PSMB3: variants seen among roughly 807,000 people sequenced by gnomAD.
The protein encoded by PSMB3 is proteasome 20S subunit beta 3, also known as proteasome subunit beta type-3.
A neutral mutation model predicts 23.3 loss-of-function variants in PSMB3; 5 were observed. The observed-to-expected ratio is 0.21, with a 90% CI of 0.11 to 0.45. The LOEUF is 0.45. PSMB3 is among the 20% of genes least tolerant of loss of function. PSMB3 has a pLI of 0.99. For missense variants in PSMB3, 192 were observed against 277.9 expected, an observed-to-expected ratio of 0.69 and a Z score of 2.20; for synonymous variants, 85 against 99.8, an observed-to-expected ratio of 0.85 and a Z score of 0.88.
At chr17:38,762,155 A>T in intron 4 of PSMB3, 1 of 472,148 alleles carries the variant, frequency 2.1e-6, no homozygotes, top group Admixed American at 3.8e-5. Context: ...GAGACATACT[A>T]TTTGCCCAAT....
intron 5 of PSMB3, among the ~76,000 whole-genome samples, chr17:38,763,528 G>A (rs1354731599): frequency 8.9e-6 from 1 of 112,590 alleles, no homozygotes; most frequent in Non-Finnish European, 1.7e-5. Context: ...TTGAGATGGA[G>A]TCTCATTCTG....
intron 5 of PSMB3, among the ~76,000 whole-genome samples, chr17:38,763,326 C>T (rs750035335): frequency 1.3e-5 from 2 of 151,870 alleles, no homozygotes; most frequent in Non-Finnish European, 2.9e-5. Flanking sequence ...TGCACTCCAG[C>T]CTGGGCAACA....
chr17:38,763,434 AAC>A (rs1198291292), intron 5 of PSMB3, among the ~76,000 whole-genome samples: 1 of 151,888 alleles, frequency 6.6e-6, no homozygotes, highest in Non-Finnish European at 1.5e-5. Context: ...TTTGGGGTGA[AAC>A]ACACCACACC....
In PSMB3 at chr17:38,764,048, G is replaced by T. The variant is rs1489012790; in HGVS notation, c.570-71G>T. The T allele has an allele frequency of 5.7e-6, 9 of 1,588,332 alleles. No homozygotes were observed. The Admixed American group carries it at 1.5e-4, about 27-fold the overall frequency. Reference sequence around the variant, plus strand: ...AGGGCTTGAGGGCTTGGTGCTGAGGGCCAGGAGAGCTAGTCACAGTCACGG... The same window carrying T: ...AGGGCTTGAGGGCTTGGTGCTGAGGTCCAGGAGAGCTAGTCACAGTCACGG... On this transcript the variant is annotated intron_variant, in intron 5 of 5. Coordinates refer to ENST00000619426, the MANE Select transcript of PSMB3 (RefSeq NM_002795.4).
At chr17:38,753,080 C>T (rs911727932) in intron 1 of PSMB3, 70 bp from the exon 2 acceptor site, 8 of 1,472,066 alleles carry the variant, frequency 5.4e-6, no homozygotes, top group Admixed American at 4.6e-5. Flanking sequence ...GCCTCCGCAT[C>T]AGGAGCTGGG....
chr17:38,755,755 G>A (rs558105295), intron 2 of PSMB3, 128 bp from the exon 3 acceptor site: 120 of 623,488 alleles, frequency 1.9e-4, no homozygotes, highest in Middle Eastern at 1.9e-3. Context: ...CCTAACACAT[G>A]TAAGACTACA....
intron 3 of PSMB3, among the ~76,000 whole-genome samples, chr17:38,757,057 T>TA (rs1908231796): frequency 6.9e-6 from 1 of 145,674 alleles, no homozygotes; most frequent in Non-Finnish European, 1.5e-5. Flanking sequence ...TTTTTTTTTT[T>TA]TTTTAGTAGA....
In PSMB3 at chr17:38,755,646, T is replaced by TAAAA. The variant is rs66894167; in HGVS notation, c.189-226_189-223dup. Among the ~76,000 whole-genome samples, 405 of 66,370 alleles carry TAAAA rather than the reference T, an allele frequency of 6.1e-3. 3 individuals are homozygous for TAAAA. Among genetic ancestry groups the TAAAA allele is most frequent in the Admixed American group, 0.021 (95 of 4,430 alleles). The allele number at this position is 66,370 out of a possible 152,430, so 43.5% of individuals were successfully genotyped here. ...CCTGGGCGACGAGTGAGACTCCGTC[T>TAAAA]AAAAAAAAAAAAAATATATATATAT... On this transcript the variant is annotated intron_variant, in intron 2 of 5. Coordinates refer to ENST00000619426, the MANE Select transcript of PSMB3 (RefSeq NM_002795.4).
At position 38,753,175 on chromosome 17, in the gene PSMB3, C is replaced by T. The variant is rs763682340; in HGVS notation, c.29C>T (p.Ala10Val). Reference sequence around the variant, plus strand: ...TCTATTATGTCCTATAACGGAGGGGCCGTCATGGCCATGAAGGGGAAGAAC... The same window carrying T: ...TCTATTATGTCCTATAACGGAGGGGTCGTCATGGCCATGAAGGGGAAGAAC... Reference protein sequence around the residue: MSIMSYNGGAVMAMKGKNCV... With the variant: MSIMSYNGGVVMAMKGKNCV... The change falls in exon 2 of 6, where the codon GCC (alanine) becomes GTC (valine). Residue 10 changes from alanine (A) to valine (V), a missense_variant. Transcript: ENST00000619426. 1 of 1,614,156 alleles carries T rather than the reference C, an allele frequency of 6.2e-7. No individual in the cohort carries two copies. The highest frequency in any genetic ancestry group is 8.5e-7 in the Non-Finnish European group (1 of 1,180,020).
chr17:38,759,738 G>A (rs1458243779), intron 3 of PSMB3, among the ~76,000 whole-genome samples: 2 of 151,842 alleles, frequency 1.3e-5, no homozygotes, highest in Non-Finnish European at 2.9e-5. Flanking sequence ...TAGTAGAGAG[G>A]GGGTTTCACC....
chr17:38,754,435 A>T (rs770783048), intron 2 of PSMB3, among the ~76,000 whole-genome samples: 1 of 152,184 alleles, frequency 6.6e-6, no homozygotes, highest in Non-Finnish European at 1.5e-5. Context: ...GTGCCACTGC[A>T]CTCTAGCCTG....
Position 38,752,820 on chromosome 17 carries a change from C to A in PSMB3, c.-7C>A. The A allele has an allele frequency of 6.2e-7, 1 of 1,613,846 alleles. No individual in the cohort carries two copies. The highest frequency in any genetic ancestry group is 2.2e-5 in the East Asian group (1 of 44,888). ...TGGCGATCGAGGGATCCTAGTACAC[C>A]GCAATCATGGTGAGATGGGGAGTTA... On this transcript the variant is annotated 5_prime_UTR_variant, in exon 1 of 6. Coordinates refer to ENST00000619426, the MANE Select transcript of PSMB3 (RefSeq NM_002795.4). The surrounding 1 kb of genome is among the most constrained non-coding windows in gnomAD (Gnocchi z 5.5).
chr17:38,758,547 GC>G (rs773263978), intron 3 of PSMB3, among the ~76,000 whole-genome samples: 64 of 152,128 alleles, frequency 4.2e-4, no homozygotes, highest in Non-Finnish European at 3.7e-4. Flanking sequence ...TCACTTTGTT[GC>G]CCAGGTTGGT....
intron 2 of PSMB3, among the ~76,000 whole-genome samples, chr17:38,754,368 G>A (rs1335015844): frequency 6.6e-6 from 1 of 152,196 alleles, no homozygotes; most frequent in Non-Finnish European, 1.5e-5. Flanking sequence ...TACTCGGGAG[G>A]CTGAGGCTGG....
At chr17:38,761,043 T>A (rs1319832692) in intron 4 of PSMB3, among the ~76,000 whole-genome samples, 2 of 152,120 alleles carry the variant, frequency 1.3e-5, no homozygotes, top group Non-Finnish European at 2.9e-5. Flanking sequence ...GATAAAAAAG[T>A]CTGCCTTAGA....
At chr17:38,763,608 T>G (rs1204419815) in intron 5 of PSMB3, among the ~76,000 whole-genome samples, 2 of 150,018 alleles carry the variant, frequency 1.3e-5, no homozygotes, top group East Asian at 2.1e-4. Flanking sequence ...GTTCAAGTGA[T>G]TCTCCTGCCT....
At chr17:38,753,008 C>A in intron 1 of PSMB3, 142 bp from the exon 2 acceptor site, 1 of 1,236,034 alleles carries the variant, frequency 8.1e-7, no homozygotes, top group Non-Finnish European at 1.1e-6. Flanking sequence ...CCACACAGTG[C>A]TCATCCCAGC....
At chr17:38,760,282 G>T in intron 3 of PSMB3, 149 bp from the exon 4 acceptor site, 1 of 722,472 alleles carries the variant, frequency 1.4e-6, no homozygotes. Context: ...GGGAGAGGGA[G>T]CTGGCCTCAG....
intron 5 of PSMB3, among the ~76,000 whole-genome samples, chr17:38,762,776 G>A (rs1434454077): frequency 2.0e-5 from 3 of 152,144 alleles, no homozygotes; most frequent in Non-Finnish European, 2.9e-5. Context: ...CGAAGTCTCA[G>A]GGATCCGTGT....
Sources: allele counts gnomAD v4.1 joint callset (sites outside exome capture counted in the v4.1 genomes callset), GRCh38; gene constraint gnomAD v4.1.1; non-coding constraint Gnocchi (gnomAD v3.1); transcripts MANE v1.5; gene names NCBI Gene and HGNC (gene_info 2026-07-23, HGNC 2026-07-21).